EPHA3: variants seen among roughly 807,000 people sequenced by gnomAD.
EPHA3 encodes the protein EPH receptor A3.
Under a neutral mutation model 107.1 loss-of-function variants are expected in EPHA3, and 42 were observed. The ratio of observed to expected loss-of-function variants is 0.39; its 90% CI spans 0.31 to 0.51. EPHA3 has a LOEUF of 0.51. EPHA3 is among the 20% of genes least tolerant of loss of function. The pLI, the probability that EPHA3 is intolerant of heterozygous loss-of-function variation, is 0.78. For missense variants in EPHA3, 1,183 were observed against 1,211.2 expected (o/e 0.98, Z 0.35); for synonymous variants, 461 against 424.8 (o/e 1.09, Z -1.05).
intron 3 of EPHA3, among the ~76,000 whole-genome samples, chr3:89,224,293 G>A (rs767490433): frequency 1.3e-5 from 2 of 152,092 alleles, no homozygotes; most frequent in Non-Finnish European, 2.9e-5. Context: ...GTGATCATGC[G>A]GTTGACTAAA....
rs1258397020 is a variant in EPHA3, at chr3:89,480,163, T to C, written c.*661T>C. Reference sequence around the variant, plus strand: ...TTTATTTTCTTTTGAATTGTTTTTATTGTTTTCTATTTATGCCTTGATGAT... The same window carrying C: ...TTTATTTTCTTTTGAATTGTTTTTACTGTTTTCTATTTATGCCTTGATGAT... On this transcript the variant is annotated 3_prime_UTR_variant, in exon 17 of 17. Coordinates refer to ENST00000336596, the MANE Select transcript of EPHA3 (RefSeq NM_005233.6). 1 of 233,004 alleles carries C rather than the reference T, an allele frequency of 4.3e-6. No homozygotes were observed. Among genetic ancestry groups the C allele is most frequent in the Non-Finnish European group, 8.5e-6 (1 of 117,764 alleles). The allele number at this position is 233,004 out of a possible 1,614,324, so 14.4% of individuals were successfully genotyped here. A position where few individuals can be genotyped will look rare whatever the true frequency, so the allele number is the denominator to read the frequency against.
intron 2 of EPHA3, among the ~76,000 whole-genome samples, chr3:89,180,133 C>T (rs1705408223): frequency 6.6e-6 from 1 of 151,894 alleles, no homozygotes; most frequent in Non-Finnish European, 1.5e-5. Flanking sequence ...AAATTTCTTC[C>T]CTAAAAATCT....
chr3:89,176,957 A>G (rs1358403232), intron 2 of EPHA3, among the ~76,000 whole-genome samples: 1 of 152,166 alleles, frequency 6.6e-6, no homozygotes, highest in Non-Finnish European at 1.5e-5. Context: ...ATACAAAAAC[A>G]CAGCCACATA....
At chr3:89,428,871 T>A (rs1221215379) in intron 11 of EPHA3, among the ~76,000 whole-genome samples, 1 of 152,130 alleles carries the variant, frequency 6.6e-6, no homozygotes, top group Non-Finnish European at 1.5e-5. Flanking sequence ...CAAACCAATT[T>A]AGATGCTATT....
intron 2 of EPHA3, among the ~76,000 whole-genome samples, chr3:89,171,568 G>C (rs962203528): frequency 3.3e-5 from 5 of 152,146 alleles, no homozygotes; most frequent in Non-Finnish European, 7.4e-5. Flanking sequence ...AATGGTGAAT[G>C]ATAAAATAAT....
intron 7 of EPHA3, among the ~76,000 whole-genome samples, chr3:89,404,523 G>A (rs1161613442): frequency 2.6e-5 from 4 of 152,054 alleles, no homozygotes; most frequent in African/African-American, 4.8e-5. Context: ...TAGAAACAGA[G>A]GGAGCAGAAA....
At chr3:89,279,107 A>G (rs1459925621) in intron 3 of EPHA3, among the ~76,000 whole-genome samples, 1 of 152,142 alleles carries the variant, frequency 6.6e-6, no homozygotes, top group African/African-American at 2.4e-5. Flanking sequence ...TAAATTTAAA[A>G]TTGTTTTGCA....
chr3:89,414,450 C>T (rs769504591), intron 10 of EPHA3, among the ~76,000 whole-genome samples: 1 of 151,600 alleles, frequency 6.6e-6, no homozygotes. Flanking sequence ...TGATCCAGTG[C>T]CAAAACAGAT....
At chr3:89,295,207 G>A (rs1254716322) in intron 3 of EPHA3, among the ~76,000 whole-genome samples, 2 of 152,150 alleles carry the variant, frequency 1.3e-5, no homozygotes, top group African/African-American at 4.8e-5. Context: ...TCTATTAAGT[G>A]TGCAATAGTG....
At chr3:89,436,919 A>C (rs942485719) in intron 13 of EPHA3, among the ~76,000 whole-genome samples, 1 of 152,120 alleles carries the variant, frequency 6.6e-6, no homozygotes, top group Non-Finnish European at 1.5e-5. Flanking sequence ...TTTTTTCCCC[A>C]ATACTCACTT....
intron 3 of EPHA3, among the ~76,000 whole-genome samples, chr3:89,215,848 T>C (rs1704210071): frequency 6.6e-6 from 1 of 151,880 alleles, no homozygotes; most frequent in Admixed American, 6.6e-5. Flanking sequence ...TCTCTTTAAA[T>C]AGGCATTTCA....
intron 2 of EPHA3, among the ~76,000 whole-genome samples, chr3:89,134,296 C>T (rs1331516181): frequency 6.6e-6 from 1 of 151,776 alleles, no homozygotes; most frequent in Admixed American, 6.6e-5. Flanking sequence ...TATACACGTG[C>T]CATGTTGGTG....
At chr3:89,367,914 C>T (rs870898) in intron 5 of EPHA3, among the ~76,000 whole-genome samples, 39,847 of 150,236 alleles carry the variant, frequency 0.27, 6,414 homozygotes, top group Non-Finnish European at 0.28. Flanking sequence ...TTATGGTGCT[C>T]CTCTGTTCTA....
chr3:89,234,738 C>T (rs1370690766), intron 3 of EPHA3, among the ~76,000 whole-genome samples: 6 of 139,304 alleles, frequency 4.3e-5, no homozygotes, highest in Non-Finnish European at 4.5e-5. Context: ...TCCTTCCTTC[C>T]TTCTTTCCTT....
intron 13 of EPHA3, among the ~76,000 whole-genome samples, chr3:89,437,397 T>C (rs1317719305): frequency 1.3e-5 from 2 of 152,074 alleles, no homozygotes; most frequent in Admixed American, 6.5e-5. Flanking sequence ...GCTCCACAAA[T>C]TTAAATCATC....
chr3:89,380,399 A>C (rs1708478290), intron 5 of EPHA3, among the ~76,000 whole-genome samples: 1 of 152,186 alleles, frequency 6.6e-6, no homozygotes, highest in South Asian at 2.1e-4. Flanking sequence ...TATGTTTCAA[A>C]TTTGGCTCCT....
At chr3:89,393,936 G>A (rs1209632115) in intron 5 of EPHA3, among the ~76,000 whole-genome samples, 4 of 151,356 alleles carry the variant, frequency 2.6e-5, no homozygotes, top group Non-Finnish European at 5.9e-5. Flanking sequence ...AGGGTTGTGG[G>A]GGTGAAGCCA....
intron 3 of EPHA3, among the ~76,000 whole-genome samples, chr3:89,278,973 C>T (rs1381205819): frequency 6.6e-6 from 1 of 152,152 alleles, no homozygotes; most frequent in African/African-American, 2.4e-5. Flanking sequence ...AACTTACTTG[C>T]TGGTAGTTTA....
At chr3:89,171,194 C>T (rs1340301038) in intron 2 of EPHA3, among the ~76,000 whole-genome samples, 1 of 152,032 alleles carries the variant, frequency 6.6e-6, no homozygotes, top group Non-Finnish European at 1.5e-5. Flanking sequence ...TGTTATATAG[C>T]AGGCTTAACT....
Sources: gnomAD v4.1 joint callset for allele counts (sites outside exome capture counted in the v4.1 genomes callset) on GRCh38, gnomAD v4.1.1 for gene constraint, MANE v1.5 for transcripts, NCBI Gene and HGNC (gene_info 2026-07-23, HGNC 2026-07-21) for gene names.